The following PDE4B variants were observed in gnomAD, a reference collection of about 807,000 sequenced individuals.
PDE4B encodes phosphodiesterase 4B, also known as 3',5'-cyclic-AMP phosphodiesterase 4B.
Under a neutral mutation model 82.2 loss-of-function variants are expected in PDE4B, and 20 were observed. The observed-to-expected ratio is 0.24, with a 90% CI of 0.17 to 0.35. The LOEUF (loss-of-function observed/expected upper bound fraction) is 0.35. PDE4B is among the 10% of genes least tolerant of loss of function. The pLI is 1.00. For synonymous variants in PDE4B, 320 were observed against 318.9 expected (o/e 1.00, Z -0.04); for missense variants, 655 against 907.2 (o/e 0.72, Z 3.57).
intron 7 of PDE4B, among the ~76,000 whole-genome samples, chr1:66,294,256 A>G (rs1376626832): frequency 6.6e-6 from 1 of 152,164 alleles, no homozygotes; most frequent in African/African-American, 2.4e-5. Flanking sequence ...TTCTCTCAAC[A>G]AAGTTGGTGT....
At chr1:66,086,948 T>G (rs1309526757) in intron 3 of PDE4B, among the ~76,000 whole-genome samples, 2 of 152,124 alleles carry the variant, frequency 1.3e-5, no homozygotes, top group Non-Finnish European at 2.9e-5. Context: ...GAGTGGAAAT[T>G]CACCAGACTT....
chr1:66,356,864 G>A (rs769687393), intron 9 of PDE4B, among the ~76,000 whole-genome samples: 2 of 152,164 alleles, frequency 1.3e-5, no homozygotes, highest in Non-Finnish European at 2.9e-5. Context: ...CAGTTGCAAC[G>A]CCTTTGTCAG....
In PDE4B at chr1:65,928,643, C is replaced by T. The variant is rs373703847; in HGVS notation, c.281+9808C>T. ...TCTTCAAAGATGCAGGTGCCACCCT[C>T]GCAAATCTATTTTGCAAGGCATTGG... On this transcript the variant is annotated intron_variant, in intron 3 of 16. Coordinates refer to ENST00000341517, the MANE Select transcript of PDE4B (RefSeq NM_002600.4). Among the ~76,000 whole-genome samples, 13 of 152,286 alleles carry T rather than the reference C, an allele frequency of 8.5e-5. No homozygotes were observed. The East Asian group carries it at 9.6e-4, about 11-fold the overall frequency.
intron 7 of PDE4B, among the ~76,000 whole-genome samples, chr1:66,309,179 G>T (rs1311117168): frequency 6.6e-6 from 1 of 152,162 alleles, no homozygotes; most frequent in African/African-American, 2.4e-5. Flanking sequence ...CTGCCTTTCA[G>T]TAGTATGTTT....
At chr1:66,063,421 C>A (rs1192242676) in intron 3 of PDE4B, among the ~76,000 whole-genome samples, 2 of 151,968 alleles carry the variant, frequency 1.3e-5, no homozygotes, top group African/African-American at 4.8e-5. Context: ...GACAGCTCCC[C>A]AGGTAATTCT....
chr1:65,854,740 C>T (rs537736476), intron 1 of PDE4B, among the ~76,000 whole-genome samples: 3 of 151,998 alleles, frequency 2.0e-5, no homozygotes, highest in Admixed American at 1.3e-4. Flanking sequence ...TAGGTTTATA[C>T]TTTTCATTAA....
chr1:65,997,643 G>C (rs564166381), intron 3 of PDE4B, among the ~76,000 whole-genome samples: 10 of 152,268 alleles, frequency 6.6e-5, no homozygotes, highest in African/African-American at 2.4e-4. Context: ...AATTTTTTGA[G>C]AGATGTCTGT....
chr1:66,199,518 C>A (rs1374800531), intron 3 of PDE4B, among the ~76,000 whole-genome samples: 1 of 151,862 alleles, frequency 6.6e-6, no homozygotes, highest in African/African-American at 2.4e-5. Flanking sequence ...TGGATATTAG[C>A]CCTTTGTCAG....
At chr1:66,138,094 C>T (rs537578945) in intron 3 of PDE4B, among the ~76,000 whole-genome samples, 1 of 152,260 alleles carries the variant, frequency 6.6e-6, no homozygotes, top group Admixed American at 6.5e-5. Flanking sequence ...GCTACAGTTC[C>T]CACAGTTTAA....
chr1:66,045,927 A>G (rs964527721), intron 3 of PDE4B, among the ~76,000 whole-genome samples: 33 of 151,794 alleles, frequency 2.2e-4, no homozygotes, highest in African/African-American at 2.7e-4. Context: ...GGCAGGCTGT[A>G]AGGGTGAGAA....
rs1341323806 is a variant in PDE4B at position 66,365,634 on chromosome 1, A to G, written c.1285-33A>G. ...TGAATAAGCAGGATAGGCGAATTGG[A>G]TGTGTAGTTAAATGTGTTTATTTGC... On this transcript the variant is annotated intron_variant, in intron 12 of 16. Transcript: ENST00000341517. 4 of 1,240,840 alleles carry G rather than the reference A, an allele frequency of 3.2e-6. No homozygotes were observed. The African/African-American group carries it at 4.5e-5, about 14-fold the overall frequency. The allele number at this position is 1,240,840 out of a possible 1,614,324, so 76.9% of individuals were successfully genotyped here.
chr1:65,873,874 G>A (rs537451803), intron 1 of PDE4B, among the ~76,000 whole-genome samples: 134 of 151,802 alleles, frequency 8.8e-4, no homozygotes, highest in Non-Finnish European at 1.4e-3. Context: ...GATTTTTTTC[G>A]GCTTAGGATT....
At chr1:66,086,351 T>C (rs939240540) in intron 3 of PDE4B, among the ~76,000 whole-genome samples, 1 of 152,106 alleles carries the variant, frequency 6.6e-6, no homozygotes, top group Admixed American at 6.6e-5. Flanking sequence ...ATTTTGTATC[T>C]TTTCTACCTG....
chr1:65,918,963 G>T, intron 3 of PDE4B, 128 bp downstream of exon 3: 1 of 648,338 alleles, frequency 1.5e-6, no homozygotes. Context: ...TTGAGAATTC[G>T]TTTCCCTTTA....
At chr1:65,850,038 A>G (rs930146080) in intron 1 of PDE4B, among the ~76,000 whole-genome samples, 7 of 151,202 alleles carry the variant, frequency 4.6e-5, no homozygotes, top group Non-Finnish European at 1.0e-4. Flanking sequence ...CACCATTCGC[A>G]TTCCCACCAG....
At chr1:66,370,150 C>CAAAAAAAAAAAAAAAA (rs752920376) in intron 16 of PDE4B, among the ~76,000 whole-genome samples, 2 of 28,654 alleles carry the variant, frequency 7.0e-5, no homozygotes, top group African/African-American at 9.0e-5. Context: ...GACTCTATCT[C>CAAAAAAAAAAAAAAAA]AAAAAAAAAA....
At chr1:66,279,298 T>C (rs1656114772) in intron 7 of PDE4B, among the ~76,000 whole-genome samples, 1 of 152,166 alleles carries the variant, frequency 6.6e-6, no homozygotes, top group Non-Finnish European at 1.5e-5. Flanking sequence ...AAATTTTATA[T>C]TATGGCATCT....
At position 66,373,000 on chromosome 1, in the gene PDE4B, C is replaced by A; in HGVS notation, c.*322C>A. Reference sequence around the variant, plus strand: ...TGCACTAAGTTTCGGGAACTTATCCCCGACAGTGACTGAACTCACTGACTA... The same window carrying A: ...TGCACTAAGTTTCGGGAACTTATCCACGACAGTGACTGAACTCACTGACTA... On this transcript the variant is annotated 3_prime_UTR_variant, in exon 17 of 17. Coordinates refer to ENST00000341517, the MANE Select transcript of PDE4B (RefSeq NM_002600.4). 1 of 244,984 alleles carries A rather than the reference C, an allele frequency of 4.1e-6. No homozygotes were observed. Among genetic ancestry groups the A allele is most frequent in the Non-Finnish European group, 8.0e-6 (1 of 125,038 alleles). 15.2% of individuals were successfully genotyped at this position (244,984 alleles called of 1,614,324 possible). A position where few individuals can be genotyped will look rare whatever the true frequency, so the allele number is the denominator to read the frequency against.
At chr1:66,122,326 T>C (rs61143952) in intron 3 of PDE4B, among the ~76,000 whole-genome samples, 2 of 152,244 alleles carry the variant, frequency 1.3e-5, no homozygotes, top group Non-Finnish European at 2.9e-5. Context: ...TTATATCTGC[T>C]GATTTTTTTC....
Sources: allele counts gnomAD v4.1 joint callset (sites outside exome capture counted in the v4.1 genomes callset), GRCh38; gene constraint gnomAD v4.1.1; transcripts MANE v1.5; gene names NCBI Gene and HGNC (gene_info 2026-07-23, HGNC 2026-07-21).